The following ARHGAP44 variants were observed in gnomAD, a reference collection of about 807,000 sequenced individuals.
ARHGAP44 encodes the protein Rho GTPase activating protein 44, also known as rho GTPase-activating protein 44.
In ARHGAP44, 43 loss-of-function variants were observed where a neutral mutation model predicts 106.8. The ratio of observed to expected loss-of-function variants is 0.40; its 90% confidence interval spans 0.32 to 0.52. The LOEUF (loss-of-function observed/expected upper bound fraction) is 0.52. Among genes scored for constraint, ARHGAP44 ranks in the 20% least tolerant of loss-of-function variants. ARHGAP44 has a pLI of 0.48. For missense variants in ARHGAP44, 866 were observed against 1,050.5 expected, an observed-to-expected ratio of 0.82 and a Z score of 2.43; for synonymous variants, 439 against 410.3, an observed-to-expected ratio of 1.07 and a Z score of -0.85.
chr17:12,941,229 G>T, intron 8 of ARHGAP44, 105 bp downstream of exon 8: 2 of 1,077,036 alleles, frequency 1.9e-6, no homozygotes, highest in South Asian at 1.5e-5. Flanking sequence ...AGAAAAAGGT[G>T]GGAGCTTTGA....
intron 1 of ARHGAP44, among the ~76,000 whole-genome samples, chr17:12,816,398 TA>T (rs2150787958): frequency 1.3e-5 from 2 of 152,250 alleles, no homozygotes; most frequent in South Asian, 4.1e-4. Context: ...ACACTTAAAT[TA>T]ATTTGAGTGG....
At chr17:12,987,218 C>T (rs2039983470) in intron 20 of ARHGAP44, 2 of 1,392,396 alleles carry the variant, frequency 1.4e-6, no homozygotes, top group Non-Finnish European at 1.9e-6. Flanking sequence ...CGCTCCTCCC[C>T]TCCGCTCCTC....
intron 1 of ARHGAP44, among the ~76,000 whole-genome samples, chr17:12,841,594 T>TCTCTCTCTCTCACACACACACACACA (rs1417307080): frequency 2.2e-4 from 28 of 126,566 alleles, no homozygotes; most frequent in East Asian, 1.3e-3. Context: ...TGTCTCTCTC[T>TCTCTCTCTCTCACACACACACACACA]CACACACACA....
At chr17:12,849,410 T>C (rs1368656032) in intron 1 of ARHGAP44, among the ~76,000 whole-genome samples, 1 of 152,088 alleles carries the variant, frequency 6.6e-6, no homozygotes. Flanking sequence ...TTTTGAATGC[T>C]TGACACTCCT....
intron 16 of ARHGAP44, among the ~76,000 whole-genome samples, chr17:12,965,415 T>C (rs529167918): frequency 6.6e-6 from 1 of 152,350 alleles, no homozygotes; most frequent in Non-Finnish European, 1.5e-5. Context: ...TGACCCATTC[T>C]CAACCTGTGC....
At chr17:12,875,376 G>A (rs544331150) in intron 1 of ARHGAP44, among the ~76,000 whole-genome samples, 193 of 151,544 alleles carry the variant, frequency 1.3e-3, no homozygotes, top group African/African-American at 4.1e-3. Context: ...GGAGGATTGC[G>A]TGAGCCCAGG....
intron 15 of ARHGAP44, 114 bp downstream of exon 15, chr17:12,956,860 C>G (rs1046916938): frequency 8.3e-6 from 6 of 719,716 alleles, no homozygotes; most frequent in South Asian, 8.3e-5. Context: ...TTTTGATTCC[C>G]CTATAAACAC....
At position 12,809,351 on chromosome 17, in the gene ARHGAP44, G is replaced by C. The variant is rs202082215; in HGVS notation, c.53+19460G>C. On this transcript the variant is annotated intron_variant, in intron 1 of 20. Coordinates refer to ENST00000379672, the MANE Select transcript of ARHGAP44 (RefSeq NM_014859.6). The stretch of plus-strand genomic sequence containing the variant: ...AATCTGTTCTCACACTGCTAATAAA[G>C]ACATACCCAAAGGAAAGAGGTTTAA... 3.9e-5 allele frequency among the ~76,000 whole-genome samples: 6 copies of C among 152,284 alleles called. No homozygotes were observed. In the East Asian group the frequency reaches 1.2e-3, roughly 29 times the overall value.
chr17:12,990,086 GCCTGAGTCC>G lies in ARHGAP44; in HGVS notation c.2377_2385del (p.Ser793_Leu795del). 3.7e-6 allele frequency: 6 copies of G among 1,612,976 alleles called. No homozygotes were observed. Among genetic ancestry groups the G allele is most frequent in the South Asian group, 1.1e-5 (1 of 91,054 alleles). ...CACATAGAGCTCGGGTCGACGCTCC[GCCTGAGTCC>G]CCTGGAGCACATGCGGCGACACTCA... On this transcript the variant is annotated inframe_deletion, in exon 21 of 21. Coordinates refer to ENST00000379672, the MANE Select transcript of ARHGAP44 (RefSeq NM_014859.6).
chr17:12,934,574 G>A (rs1236958676), intron 7 of ARHGAP44, among the ~76,000 whole-genome samples: 1 of 152,180 alleles, frequency 6.6e-6, no homozygotes, highest in South Asian at 2.1e-4. Context: ...AGCAAGCGTG[G>A]CCACACCCAG....
chr17:12,792,154 G>C (rs957350025), intron 1 of ARHGAP44, among the ~76,000 whole-genome samples: 7 of 152,006 alleles, frequency 4.6e-5, no homozygotes, highest in Non-Finnish European at 8.8e-5. Flanking sequence ...CGTTTTTACT[G>C]TTTTCCCATT....
At chr17:12,794,210 C>T (rs2033850880) in intron 1 of ARHGAP44, among the ~76,000 whole-genome samples, 1 of 151,836 alleles carries the variant, frequency 6.6e-6, no homozygotes, top group African/African-American at 2.4e-5. Flanking sequence ...GGAGCAAAGC[C>T]CTGAGCTAAA....
intron 8 of ARHGAP44, among the ~76,000 whole-genome samples, chr17:12,941,602 G>A (rs1480508092): frequency 6.6e-6 from 1 of 152,056 alleles, no homozygotes; most frequent in Non-Finnish European, 1.5e-5. Context: ...AAAATAGGAA[G>A]GCAATTCCTT....
At chr17:12,946,669 C>T (rs1598099317) in intron 10 of ARHGAP44, among the ~76,000 whole-genome samples, 1 of 151,648 alleles carries the variant, frequency 6.6e-6, no homozygotes, top group Non-Finnish European at 1.5e-5. Context: ...CATAGTGGCA[C>T]ACGCATCTGT....
Position 12,837,671 on chromosome 17 carries a change from C to T in ARHGAP44, c.53+47780C>T, listed in dbSNP as rs114481118. Among the ~76,000 whole-genome samples the T allele has an allele frequency of 6.1e-3, 919 of 151,670 alleles. 15 individuals are homozygous for T. Among genetic ancestry groups the T allele is most frequent in the African/African-American group, 0.021 (860 of 41,328 alleles). Reference sequence around the variant, plus strand: ...GCAGGTAGTAGAACTGGTGAATGCGCAAGGCTTTGACGAGGGTTAACAATG... The same window carrying T: ...GCAGGTAGTAGAACTGGTGAATGCGTAAGGCTTTGACGAGGGTTAACAATG... On this transcript the variant is annotated intron_variant, in intron 1 of 20. Transcript: ENST00000379672.
chr17:12,964,975 AC>A (rs2039355327), intron 16 of ARHGAP44, among the ~76,000 whole-genome samples: 1 of 151,832 alleles, frequency 6.6e-6, no homozygotes, highest in South Asian at 2.1e-4. Context: ...TTTCCTCAGT[AC>A]CTTCCTCCCT....
chr17:12,831,555 G>C (rs182075357), intron 1 of ARHGAP44, among the ~76,000 whole-genome samples: 2 of 152,306 alleles, frequency 1.3e-5, no homozygotes, highest in East Asian at 1.9e-4. Flanking sequence ...GGTCAGTGTA[G>C]ATGCTGATTA....
At chr17:12,977,248 C>T (rs1276048941) in intron 18 of ARHGAP44, among the ~76,000 whole-genome samples, 2 of 152,100 alleles carry the variant, frequency 1.3e-5, no homozygotes, top group Non-Finnish European at 2.9e-5. Context: ...TTTTTGTTCT[C>T]TCCCCGCATG....
chr17:12,973,706 C>T (rs959296026), intron 17 of ARHGAP44: 20 of 473,356 alleles, frequency 4.2e-5, no homozygotes, highest in Non-Finnish European at 7.1e-5. Context: ...AGTGTCCCTG[C>T]CCCCCCAGTT....
Sources: gnomAD v4.1 joint callset for allele counts (sites outside exome capture counted in the v4.1 genomes callset) on GRCh38, gnomAD v4.1.1 for gene constraint, MANE v1.5 for transcripts, NCBI Gene and HGNC (gene_info 2026-07-23, HGNC 2026-07-21) for gene names.